The following XRRA1 variants were observed in gnomAD, a reference collection of about 807,000 sequenced individuals.
XRRA1 encodes the protein X-ray radiation resistance associated 1.
In XRRA1, 69 loss-of-function variants were observed where a neutral mutation model predicts 80.2. That is an observed-to-expected ratio of 0.86 (90% CI 0.71 to 1.05). The LOEUF (loss-of-function observed/expected upper bound fraction) is 1.05, where lower values mean the gene tolerates loss of function less well. XRRA1 is among the 50% of genes least tolerant of loss of function. XRRA1 has a pLI of 0.00. For missense variants in XRRA1, 967 were observed against 976.4 expected (o/e 0.99, Z 0.13); for synonymous variants, 348 against 389.9 (o/e 0.89, Z 1.27).
At chr11:74,862,834 G>A (rs374355217) in intron 11 of XRRA1, 147 bp downstream of exon 11, 1 of 706,114 alleles carries the variant, frequency 1.4e-6, no homozygotes. Flanking sequence ...TACATGATAG[G>A]TACTTGGCAA....
At chr11:74,942,266 C>A (rs1369468211) in intron 2 of XRRA1, among the ~76,000 whole-genome samples, 1 of 151,668 alleles carries the variant, frequency 6.6e-6, no homozygotes, top group African/African-American at 2.4e-5. Flanking sequence ...AGGTGGGGAC[C>A]GAAAATAGGC....
chr11:74,882,582 C>T (rs1361479651), intron 10 of XRRA1, among the ~76,000 whole-genome samples: 15 of 152,304 alleles, frequency 9.8e-5, no homozygotes, highest in Middle Eastern at 3.4e-3. Flanking sequence ...GGAGGAGAGG[C>T]GCTCTGCTTT....
Position 74,859,282 on chromosome 11 carries a change from G to A in XRRA1, c.1046C>T (p.Thr349Ile). The A allele has an allele frequency of 6.2e-7, 1 of 1,602,692 alleles. No homozygotes were observed. Among genetic ancestry groups the A allele is most frequent in the Non-Finnish European group, 8.5e-7 (1 of 1,175,766 alleles). ...GGGAGGAAGTGAACATATCTTGGTT[G>A]TCTTAGAAAGAAGGAAAAGTCAAAA... ...SSYPGFSTSE[T>I]TKICSLPPIF... The change falls in exon 12 of 19, where the codon ACA becomes ATA. Residue 349 changes from threonine (T) to isoleucine (I), a missense_variant and splice_region_variant. Physicochemically the swap from Thr to Ile is moderately conservative, Grantham distance 89. Transcript: ENST00000684022.
At chr11:74,924,881 A>G (rs746164972) in intron 7 of XRRA1, among the ~76,000 whole-genome samples, 17 of 152,210 alleles carry the variant, frequency 1.1e-4, no homozygotes, top group Admixed American at 2.0e-4. Context: ...GAACACAGCC[A>G]TGCTCATTTC....
intron 5 of XRRA1, among the ~76,000 whole-genome samples, chr11:74,932,760 C>A (rs1943946638): frequency 6.6e-6 from 1 of 152,124 alleles, no homozygotes; most frequent in African/African-American, 2.4e-5. Flanking sequence ...GGCCTCTCAG[C>A]CACAAGATGA....
intron 12 of XRRA1, among the ~76,000 whole-genome samples, chr11:74,852,285 C>T (rs2040060653): frequency 1.3e-5 from 2 of 152,122 alleles, no homozygotes; most frequent in Non-Finnish European, 2.9e-5. Context: ...GTACCTTGCC[C>T]CTCCTGTCTG....
At chr11:74,844,096 G>C in intron 17 of XRRA1, 72 bp downstream of exon 17, 2 of 1,509,606 alleles carry the variant, frequency 1.3e-6, no homozygotes, top group Non-Finnish European at 1.8e-6. Flanking sequence ...AGGGTCCCAA[G>C]GTGACAGCCA....
chr11:74,936,796 T>C, intron 4 of XRRA1, 88 bp downstream of exon 4: 5 of 1,427,838 alleles, frequency 3.5e-6, no homozygotes, highest in Non-Finnish European at 3.8e-6. Flanking sequence ...AGATTGGGGG[T>C]AGTTGTGCCA....
chr11:74,883,054 C>G (rs1253252111), intron 10 of XRRA1, among the ~76,000 whole-genome samples: 2 of 125,416 alleles, frequency 1.6e-5, no homozygotes, highest in East Asian at 2.2e-4. Context: ...TCGAGCTTCC[C>G]GGCTGCTTTG....
chr11:74,878,388 G>A (rs1247807847), intron 10 of XRRA1, among the ~76,000 whole-genome samples: 3 of 151,662 alleles, frequency 2.0e-5, no homozygotes, highest in Non-Finnish European at 4.4e-5. Context: ...AGTAGGTTGT[G>A]AAAATTTTCT....
chr11:74,848,770 G>A (rs1400940205), intron 14 of XRRA1, among the ~76,000 whole-genome samples: 2 of 152,182 alleles, frequency 1.3e-5, no homozygotes, highest in African/African-American at 4.8e-5. Flanking sequence ...GTGCCTGGAC[G>A]ATGTAATTCC....
intron 10 of XRRA1, among the ~76,000 whole-genome samples, chr11:74,868,055 G>A (rs954250970): frequency 1.3e-5 from 2 of 150,904 alleles, no homozygotes; most frequent in African/African-American, 4.9e-5. Flanking sequence ...CCAAGTAACT[G>A]GGATTACAAG....
At chr11:74,882,846 C>A (rs952355808) in intron 10 of XRRA1, among the ~76,000 whole-genome samples, 1 of 152,226 alleles carries the variant, frequency 6.6e-6, no homozygotes, top group Non-Finnish European at 1.5e-5. Context: ...CAGGGACCCA[C>A]TTGAGGAGGC....
intron 8 of XRRA1, among the ~76,000 whole-genome samples, chr11:74,916,939 A>G (rs1938918022): frequency 6.6e-6 from 1 of 152,136 alleles, no homozygotes; most frequent in African/African-American, 2.4e-5. Context: ...GTGACATTCT[A>G]ATTTCCTCTG....
intron 6 of XRRA1, 115 bp downstream of exon 6, chr11:74,930,185 C>T (rs1035346850): frequency 2.2e-6 from 2 of 905,660 alleles, no homozygotes; most frequent in South Asian, 1.5e-5. Context: ...CTATTGTACT[C>T]CAAAAAAGAG....
chr11:74,861,301 T>G (rs1226244924), intron 11 of XRRA1, among the ~76,000 whole-genome samples: 1 of 152,054 alleles, frequency 6.6e-6, no homozygotes, highest in Non-Finnish European at 1.5e-5. Context: ...AGTGGGTGAG[T>G]GAACAAAAAC....
intron 4 of XRRA1, among the ~76,000 whole-genome samples, chr11:74,935,093 G>A (rs976874844): frequency 6.6e-6 from 1 of 152,160 alleles, no homozygotes; most frequent in Non-Finnish European, 1.5e-5. Flanking sequence ...ATGACTGTTC[G>A]GGCATGTTAT....
intron 10 of XRRA1, among the ~76,000 whole-genome samples, chr11:74,864,475 AC>A (rs971708711): frequency 1.3e-5 from 2 of 152,200 alleles, no homozygotes; most frequent in African/African-American, 4.8e-5. Context: ...AGTTTTTGAA[AC>A]CCTGGTGGAT....
At chr11:74,932,445 C>G (rs187902001) in intron 5 of XRRA1, among the ~76,000 whole-genome samples, 4 of 152,200 alleles carry the variant, frequency 2.6e-5, no homozygotes, top group African/African-American at 9.6e-5. Context: ...CTAAGCCCAG[C>G]CTCCTCCCTC....
Sources: allele counts gnomAD v4.1 joint callset (sites outside exome capture counted in the v4.1 genomes callset), GRCh38; gene constraint gnomAD v4.1.1; transcripts MANE v1.5; gene names NCBI Gene and HGNC (gene_info 2026-07-23, HGNC 2026-07-21).